Variants in SYNE2 observed in about 807,000 individuals in gnomAD.
SYNE2 encodes the protein spectrin repeat containing nuclear envelope protein 2, also known as nesprin-2.
A neutral mutation model predicts 856.3 loss-of-function variants in SYNE2; 431 were observed. That is an observed-to-expected ratio of 0.50 (90% CI 0.47 to 0.55). SYNE2 has a LOEUF of 0.55. Ranked by LOEUF, SYNE2 falls within the 20% of genes least tolerant of loss-of-function variation. The probability of loss-of-function intolerance (pLI) is 0.00; values close to 1 mark genes in which losing one functional copy is unlikely to be tolerated. For missense variants in SYNE2, 8,129 were observed against 8,023.2 expected, an observed-to-expected ratio of 1.01 and a Z score of -0.50; for synonymous variants, 2,923 against 2,872.3, an observed-to-expected ratio of 1.02 and a Z score of -0.56.
At chr14:64,130,688 C>T (rs930247662) in intron 76 of SYNE2, among the ~76,000 whole-genome samples, 14 of 151,816 alleles carry the variant, frequency 9.2e-5, no homozygotes, top group Non-Finnish European at 1.6e-4. Flanking sequence ...AGTTCGAGAC[C>T]AGCCTGGCCA....
At chr14:63,887,141 C>T (rs541587101) in intron 1 of SYNE2, among the ~76,000 whole-genome samples, 5 of 152,044 alleles carry the variant, frequency 3.3e-5, no homozygotes, top group Admixed American at 6.5e-5. Context: ...ATTAGCTGGG[C>T]GTAGTGGCCT....
chr14:63,807,842 TATATATATATATATATATATATA>T (rs1303753550), intron 1 of SYNE2, among the ~76,000 whole-genome samples: 1 of 99,512 alleles, frequency 1.0e-5, no homozygotes, highest in African/African-American at 3.4e-5. Flanking sequence ...TATATATATA[TATATATATATATATATATATATA>T]ATTTCAATAG....
At chr14:64,100,531 A>AAAAAT (rs1491537041) in intron 63 of SYNE2, among the ~76,000 whole-genome samples, 5 of 39,482 alleles carry the variant, frequency 1.3e-4, no homozygotes, top group South Asian at 1.1e-3. Context: ...AAAAAAAAAA[A>AAAAAT]ATATATATAT....
Position 64,223,252 on chromosome 14 carries a change from A to T in SYNE2, c.20254A>T (p.Ser6752Cys). 6.2e-7 allele frequency: 1 copy of T among 1,614,236 alleles called. No individual in the cohort carries two copies. Among genetic ancestry groups the T allele is most frequent in the South Asian group, 1.1e-5 (1 of 91,068 alleles). ...GGACATGTTACAGGAGATTTCAAAC[A>T]GCCTTCTCATTAAGGGACATGGAGA... The part of the protein sequence containing the change: ...QVDMLQEISN[S>C]LLIKGHGEDC... Residue 6752 changes from serine to cysteine, a missense_variant, in exon 113 of 116, where the codon AGC (serine) becomes TGC (cysteine). This residue lies in a region of SYNE2 where 5,410 missense variants were observed against 5,284.8 expected (regional missense o/e 1.02). Transcript: ENST00000555002.
At chr14:64,031,486 G>A (rs925675485) in intron 45 of SYNE2, 129 bp downstream of exon 45, 21 of 832,430 alleles carry the variant, frequency 2.5e-5, no homozygotes, top group Non-Finnish European at 4.2e-5. Flanking sequence ...GGCTATTTAT[G>A]AAGCCTACTT....
chr14:64,170,968 G>C (rs1446337508), intron 94 of SYNE2, among the ~76,000 whole-genome samples: 1 of 152,080 alleles, frequency 6.6e-6, no homozygotes, highest in African/African-American at 2.4e-5. Flanking sequence ...AGTGTAATTG[G>C]ATTATTTGTA....
At chr14:63,884,456 G>A (rs1297880113) in intron 1 of SYNE2, among the ~76,000 whole-genome samples, 1 of 152,104 alleles carries the variant, frequency 6.6e-6, no homozygotes, top group African/African-American at 2.4e-5. Context: ...AGAAGAAAGC[G>A]GTACTGTAAG....
In SYNE2 at chr14:64,219,290, C is replaced by G. The variant is rs774428403; in HGVS notation, c.19740C>G (p.Asn6580Lys). The G allele has an allele frequency of 5.6e-6, 9 of 1,613,932 alleles. No homozygotes were observed. Among genetic ancestry groups the G allele is most frequent in the Non-Finnish European group, 7.6e-6 (9 of 1,180,000 alleles). The change falls in exon 110 of 116, where the codon AAC becomes AAG. Residue 6580 changes from asparagine to lysine, a missense_variant. Asn to Lys is a moderately conservative substitution (Grantham distance 94). Coordinates refer to ENST00000555002, the MANE Select transcript of SYNE2 (RefSeq NM_182914.3). ...LKIKQNLQQL[N>K]SDISAITTWL... Reference sequence around the variant, plus strand: ...TAAAACAAAATTTGCAACAGCTGAACTCTGATATCAGCGCCATCACTACTT... The same window carrying G: ...TAAAACAAAATTTGCAACAGCTGAAGTCTGATATCAGCGCCATCACTACTT...
intron 27 of SYNE2, among the ~76,000 whole-genome samples, chr14:64,000,121 T>A (rs1260605183): frequency 1.3e-5 from 2 of 152,370 alleles, no homozygotes; most frequent in East Asian, 3.9e-4. Flanking sequence ...GAATTATAGA[T>A]GTTAATTATA....
intron 1 of SYNE2, among the ~76,000 whole-genome samples, chr14:63,819,675 T>A (rs534520750): frequency 6.6e-6 from 1 of 152,094 alleles, no homozygotes; most frequent in African/African-American, 2.4e-5. Context: ...TAGCTGGGAC[T>A]ACAGGCGCCC....
chr14:64,202,403 A>G, intron 99 of SYNE2: 1 of 648,798 alleles, frequency 1.5e-6, no homozygotes, highest in Non-Finnish European at 2.8e-6. Context: ...CTGCAGTCTC[A>G]GGCATACCCA....
At chr14:64,158,539 C>A in intron 85 of SYNE2, 86 bp from the exon 86 acceptor site, 2 of 1,449,840 alleles carry the variant, frequency 1.4e-6, no homozygotes, top group Non-Finnish European at 1.9e-6. Context: ...AATTGAAATG[C>A]CTAAATTGGA....
chr14:63,909,202 C>T lies in SYNE2; in HGVS notation c.54C>T (p.Ile18=), dbSNP rs372179532. 8.7e-6 allele frequency: 14 copies of T among 1,612,586 alleles called. No individual in the cohort carries two copies. Among genetic ancestry groups the T allele is most frequent in the African/African-American group, 4.0e-5 (3 of 74,632 alleles). The change falls in exon 2 of 116, where the codon ATC becomes ATT. Residue 18 remains isoleucine, a synonymous_variant. Coordinates refer to ENST00000555002, the MANE Select transcript of SYNE2 (RefSeq NM_182914.3). ...AAGATGAACAGGGTTCCTGGGGCAT[C>T]GACGATCTCCATATTTCATTGCAAG... is the stretch of plus-strand genomic sequence containing the variant. ...PTEDEQGSWG[I]DDLHISLQAE...
chr14:64,141,790 T>G (rs903641390), intron 81 of SYNE2, 152 bp from the exon 82 acceptor site: 1 of 1,081,502 alleles, frequency 9.2e-7, no homozygotes, highest in Non-Finnish European at 1.3e-6. Flanking sequence ...GGTCGCTTAT[T>G]CTAAGTTTGA....
At chr14:63,854,316 A>G (rs533789596) in intron 1 of SYNE2, among the ~76,000 whole-genome samples, 57 of 152,316 alleles carry the variant, frequency 3.7e-4, no homozygotes, top group African/African-American at 1.3e-3. Flanking sequence ...ATGCCGGGCT[A>G]CACCTGGCCT....
chr14:64,182,749 A>T (rs958588439), intron 96 of SYNE2, among the ~76,000 whole-genome samples: 1 of 152,242 alleles, frequency 6.6e-6, no homozygotes, highest in Non-Finnish European at 1.5e-5. Context: ...AATTTTTCTT[A>T]GTACAGAACA....
At chr14:64,193,773 T>C (rs1177104961) in intron 99 of SYNE2, among the ~76,000 whole-genome samples, 1 of 152,198 alleles carries the variant, frequency 6.6e-6, no homozygotes, top group Non-Finnish European at 1.5e-5. Context: ...CATTGTTGGA[T>C]AGATAGGAGA....
chr14:63,997,288 G>T lies in SYNE2; in HGVS notation c.3153-13G>T, dbSNP rs1738789776. On this transcript the variant is annotated splice_polypyrimidine_tract_variant and intron_variant, in intron 24 of 115. Coordinates refer to ENST00000555002, the MANE Select transcript of SYNE2 (RefSeq NM_182914.3). ...TACCCTCTTTTAAACATGCAATTTTGATTCCTTTCTAGGGGGACCATCACC... is the reference window on the plus strand; with the variant it reads ...TACCCTCTTTTAAACATGCAATTTTTATTCCTTTCTAGGGGGACCATCACC... 1.9e-6 allele frequency: 3 copies of T among 1,610,136 alleles called. No individual in the cohort carries two copies. In the South Asian group the frequency reaches 3.3e-5, roughly 18 times the overall value.
chr14:64,149,091 TG>T (rs367979055), intron 84 of SYNE2, among the ~76,000 whole-genome samples: 251 of 151,710 alleles, frequency 1.7e-3, no homozygotes, highest in Admixed American at 2.6e-3. Flanking sequence ...AAGGATCACT[TG>T]AGGCCAGGAG....
Sources: allele counts gnomAD v4.1 joint callset (sites outside exome capture counted in the v4.1 genomes callset), GRCh38; gene constraint gnomAD v4.1.1; regional missense constraint gnomAD v4.1.1; transcripts MANE v1.5; gene names NCBI Gene and HGNC (gene_info 2026-07-23, HGNC 2026-07-21).